The following ZNF441 variants were observed in gnomAD, a reference collection of about 807,000 sequenced individuals.
ZNF441 encodes the protein zinc finger protein 441.
In ZNF441, 25 loss-of-function variants were observed where a neutral mutation model predicts 64.5. The observed-to-expected ratio is 0.39, with a 90% CI of 0.28 to 0.54. The LOEUF is 0.54. Among genes scored for constraint, ZNF441 ranks in the 20% least tolerant of loss-of-function variants. The probability of loss-of-function intolerance (pLI) is 0.70; values close to 1 mark genes in which losing one functional copy is unlikely to be tolerated. For missense variants in ZNF441, 715 were observed against 843.3 expected (o/e 0.85, Z 1.88); for synonymous variants, 262 against 268.0 (o/e 0.98, Z 0.22).
chr19:11,768,325 G>C (rs1298714269), intron 1 of ZNF441, among the ~76,000 whole-genome samples: 1 of 152,118 alleles, frequency 6.6e-6, no homozygotes, highest in Non-Finnish European at 1.5e-5. Context: ...CTTTGTAAAA[G>C]GTTTTGTGTT....
At chr19:11,777,798 T>C (rs1277200010) in intron 2 of ZNF441, 61 bp downstream of exon 2, 35 of 1,563,520 alleles carry the variant, frequency 2.2e-5, no homozygotes, top group South Asian at 7.0e-5. Context: ...TGGTCATCAA[T>C]GCTGTTCAAT....
In ZNF441 at chr19:11,781,583, C is replaced by T. The variant is rs372673223; in HGVS notation, c.1759C>T (p.His587Tyr). 7.3e-5 allele frequency: 117 copies of T among 1,613,722 alleles called. No individual in the cohort carries two copies. Among genetic ancestry groups the T allele is most frequent in the Non-Finnish European group, 9.5e-5 (112 of 1,179,946 alleles). Residue 587 changes from histidine (H) to tyrosine (Y), a missense_variant, in exon 4 of 4, where the codon CAT (histidine) becomes TAT (tyrosine). By Grantham distance (83) the His-to-Tyr change is moderately conservative. Transcript: ENST00000357901. Reference sequence around the variant, plus strand: ...GATAACACATACTGGAAATGGACCTCATAAATGTAAGATATGTGGGAAAGG... The same window carrying T: ...GATAACACATACTGGAAATGGACCTTATAAATGTAAGATATGTGGGAAAGG... ...HMITHTGNGP[H>Y]KCKICGKGFD...
At chr19:11,769,896 G>A (rs893288684) in intron 1 of ZNF441, among the ~76,000 whole-genome samples, 2 of 151,988 alleles carry the variant, frequency 1.3e-5, no homozygotes, top group Admixed American at 6.6e-5. Flanking sequence ...AGATGGTCTC[G>A]ATCTCCTGAC....
At chr19:11,772,417 A>G (rs1263466228) in intron 1 of ZNF441, among the ~76,000 whole-genome samples, 6 of 152,140 alleles carry the variant, frequency 3.9e-5, no homozygotes, top group Non-Finnish European at 7.3e-5. Context: ...GGCTGGGTGC[A>G]CTGGTAGGCT....
chr19:11,777,854 C>T (rs1473790452), intron 2 of ZNF441, 117 bp downstream of exon 2: 3 of 1,195,254 alleles, frequency 2.5e-6, no homozygotes, highest in East Asian at 5.2e-5. Context: ...GAACCAGCCA[C>T]CCAAGCAGTC....
At chr19:11,779,318 CAAAA>C (rs67463970) in intron 3 of ZNF441, among the ~76,000 whole-genome samples, 25 of 103,442 alleles carry the variant, frequency 2.4e-4, no homozygotes, top group South Asian at 2.0e-3. Flanking sequence ...AACCCAGTTT[CAAAA>C]AAAAAAAAAA....
intron 1 of ZNF441, among the ~76,000 whole-genome samples, chr19:11,768,606 T>C (rs994762732): frequency 5.3e-5 from 8 of 152,204 alleles, no homozygotes; most frequent in Non-Finnish European, 1.0e-4. Context: ...AAGTCTCTTG[T>C]AGTGTCAAGT....
Position 11,780,125 on chromosome 19 carries a change from G to T in ZNF441, c.301G>T (p.Asp101Tyr). The T allele has an allele frequency of 6.2e-7, 1 of 1,614,166 alleles. No individual in the cohort carries two copies. The highest frequency in any genetic ancestry group is 8.5e-7 in the Non-Finnish European group (1 of 1,180,022). ...SIVNEKIPGVDPWESSECTDV... is the reference protein window; with the variant it reads ...SIVNEKIPGVYPWESSECTDV... ...TGTGAACGAGAAAATACCTGGAGTA[G>T]ATCCATGGGAAAGCAGTGAGTGTAC... Residue 101 changes from aspartate (D) to tyrosine (Y), a missense_variant, in exon 4 of 4, where the codon GAT becomes TAT. Around this residue, in one of 2 missense-constraint regions of ZNF441, gnomAD observed 399 missense variants for 413.9 expected, o/e 0.96. Coordinates refer to ENST00000357901, the MANE Select transcript of ZNF441 (RefSeq NM_152355.3).
chr19:11,777,910 A>G, intron 2 of ZNF441, 173 bp downstream of exon 2: 1 of 581,894 alleles, frequency 1.7e-6, no homozygotes, highest in Non-Finnish European at 2.9e-6. Flanking sequence ...CCTACTGTTT[A>G]CTGGCAGCAT....
At chr19:11,769,325 G>A (rs1975295198) in intron 1 of ZNF441, among the ~76,000 whole-genome samples, 1 of 152,158 alleles carries the variant, frequency 6.6e-6, no homozygotes, top group Admixed American at 6.5e-5. Flanking sequence ...GTAACCATTT[G>A]TCTCCATCAT....
intron 1 of ZNF441, among the ~76,000 whole-genome samples, chr19:11,769,133 G>A (rs1477191059): frequency 6.6e-6 from 1 of 152,162 alleles, no homozygotes; most frequent in African/African-American, 2.4e-5. Flanking sequence ...GGAGAAGATA[G>A]AGAACTAGAA....
Position 11,780,042 on chromosome 19 carries a change from G to A in ZNF441, c.218G>A (p.Cys73Tyr). 4.3e-6 allele frequency: 7 copies of A among 1,611,882 alleles called. No homozygotes were observed. The highest frequency in any genetic ancestry group is 5.9e-6 in the Non-Finnish European group (7 of 1,178,110). ...NLRCHMVERACEIKDNSQCGG... is the reference protein window; with the variant it reads ...NLRCHMVERAYEIKDNSQCGG... ...AGATGTCATATGGTAGAGAGAGCCT[G>A]TGAAATTAAAGATAATAGTCAATGT... Residue 73 changes from cysteine to tyrosine, a missense_variant, in exon 4 of 4, where the codon TGT (cysteine) becomes TAT (tyrosine). Cys to Tyr is a radical substitution (Grantham distance 194). Coordinates refer to ENST00000357901, the MANE Select transcript of ZNF441 (RefSeq NM_152355.3).
intron 1 of ZNF441, among the ~76,000 whole-genome samples, chr19:11,777,040 C>T (rs1975360760): frequency 6.6e-6 from 1 of 152,130 alleles, no homozygotes; most frequent in African/African-American, 2.4e-5. Flanking sequence ...GAACTCCTGA[C>T]CTCAGGTGAT....
At position 11,781,058 on chromosome 19, in the gene ZNF441, A is replaced by G. The variant is rs142438363; in HGVS notation, c.1234A>G (p.Thr412Ala). 1 of 1,613,992 alleles carries G rather than the reference A, an allele frequency of 6.2e-7. No homozygotes were observed. The highest frequency in any genetic ancestry group is 1.3e-5 in the African/African-American group (1 of 74,928). The change falls in exon 4 of 4, where the codon ACT (threonine) becomes GCT (alanine). Residue 412 changes from threonine (T) to alanine (A), a missense_variant. Transcript: ENST00000357901. ...DFYYFRNHETTHTGEKPYKCK... is the reference protein window; with the variant it reads ...DFYYFRNHETAHTGEKPYKCK... ...CTATTACTTTCGAAATCATGAAACT[A>G]CTCACACTGGAGAGAAGCCATATAA...
Position 11,781,165 on chromosome 19 carries a change from T to C in ZNF441, c.1341T>C (p.Tyr447=), listed in dbSNP as rs1227853059. ...HERIHTGERP[Y]KCKQCGKAFR... is the part of the protein sequence containing the mutation. ...GAATTCACACTGGGGAGAGACCCTA[T>C]AAATGTAAACAATGCGGAAAAGCCT... Residue 447 remains tyrosine (Y), a synonymous_variant, in exon 4 of 4, where the codon TAT becomes TAC. Transcript: ENST00000357901. 30 of 1,613,928 alleles carry C rather than the reference T, an allele frequency of 1.9e-5. No homozygotes were observed. Among genetic ancestry groups the C allele is most frequent in the Non-Finnish European group, 2.5e-5 (29 of 1,180,018 alleles).
At chr19:11,779,150 T>C (rs903879900) in intron 3 of ZNF441, among the ~76,000 whole-genome samples, 5 of 150,428 alleles carry the variant, frequency 3.3e-5, no homozygotes, top group Non-Finnish European at 7.4e-5. Flanking sequence ...AAGACGCCCT[T>C]TCTACAAAAA....
rs1289926406 is a variant in ZNF441, at chr19:11,780,126, A to T, written c.302A>T (p.Asp101Val). ...GTGAACGAGAAAATACCTGGAGTAG[A>T]TCCATGGGAAAGCAGTGAGTGTACA... ...SIVNEKIPGVDPWESSECTDV... is the reference protein window; with the variant it reads ...SIVNEKIPGVVPWESSECTDV... Residue 101 changes from aspartate to valine, a missense_variant, in exon 4 of 4, where the codon GAT (aspartate) becomes GTT (valine). Around this residue, in one of 2 missense-constraint regions of ZNF441, gnomAD observed 399 missense variants for 413.9 expected, o/e 0.96. Coordinates refer to ENST00000357901, the MANE Select transcript of ZNF441 (RefSeq NM_152355.3). 6.2e-6 allele frequency: 10 copies of T among 1,614,090 alleles called. No individual in the cohort carries two copies. The highest frequency in any genetic ancestry group is 1.7e-5 in the Admixed American group (1 of 60,002).
In ZNF441 at chr19:11,782,401, TA is replaced by T. The variant is rs995112801; in HGVS notation, c.*496del. The T allele has an allele frequency of 2.0e-5, 3 of 152,394 alleles. No homozygotes were observed. The highest frequency in any genetic ancestry group is 4.4e-5 in the Non-Finnish European group (3 of 68,192). The allele number at this position is 152,394 out of a possible 1,614,324, so 9.4% of individuals were successfully genotyped here. ...CAAGTCCCTGATATTAAAAACAGCA[TA>T]TTTGCATATAATCTAGGCACATTTT... On this transcript the variant is annotated 3_prime_UTR_variant, in exon 4 of 4. Coordinates refer to ENST00000357901, the MANE Select transcript of ZNF441 (RefSeq NM_152355.3).
chr19:11,769,255 A>G (rs1371705734), intron 1 of ZNF441, among the ~76,000 whole-genome samples: 1 of 152,344 alleles, frequency 6.6e-6, no homozygotes, highest in Non-Finnish European at 1.5e-5. Context: ...TGGAAAGTCT[A>G]TAGTTAGTTG....
Sources: allele counts gnomAD v4.1 joint callset (sites outside exome capture counted in the v4.1 genomes callset), GRCh38; gene constraint gnomAD v4.1.1; regional missense constraint gnomAD v4.1.1; transcripts MANE v1.5; gene names NCBI Gene and HGNC (gene_info 2026-07-23, HGNC 2026-07-21).